Variants in MIPOL1 observed in about 807,000 individuals in gnomAD.
MIPOL1 encodes mirror-image polydactyly 1.
MIPOL1 carries 57 observed loss-of-function variants against 60.9 expected under a neutral mutation model. The observed-to-expected ratio is 0.94, with a 90% CI of 0.76 to 1.17. MIPOL1 has a LOEUF of 1.17. Ranked by LOEUF, MIPOL1 falls within the 50% of genes most tolerant of loss-of-function variation. The pLI, the probability that MIPOL1 is intolerant of heterozygous loss-of-function variation, is 0.00. For synonymous variants in MIPOL1, 179 were observed against 168.8 expected, an observed-to-expected ratio of 1.06 and a Z score of -0.47; for missense variants, 551 against 511.6, an observed-to-expected ratio of 1.08 and a Z score of -0.74.
intron 3 of MIPOL1, among the ~76,000 whole-genome samples, chr14:37,257,095 TTGTGTGTGTGTGTGTGTG>T: frequency 7.3e-6 from 1 of 137,792 alleles, no homozygotes; most frequent in South Asian, 2.5e-4. Context: ...TGGTTTTGTT[TTGTGTGTGTGTGTGTGTG>T]TGTGTGTGTG....
At chr14:37,457,694 T>C (rs2094492842) in intron 11 of MIPOL1, among the ~76,000 whole-genome samples, 1 of 152,234 alleles carries the variant, frequency 6.6e-6, no homozygotes, top group African/African-American at 2.4e-5. Context: ...CTTGTTTAAC[T>C]CTTACTCCTT....
intron 11 of MIPOL1, among the ~76,000 whole-genome samples, chr14:37,439,414 A>C (rs2094208637): frequency 6.6e-6 from 1 of 152,218 alleles, no homozygotes; most frequent in African/African-American, 2.4e-5. Context: ...TTTTATTGTT[A>C]ACATGTATTT....
chr14:37,351,192 AATG>A (rs1360136183), intron 9 of MIPOL1, among the ~76,000 whole-genome samples: 3 of 146,254 alleles, frequency 2.1e-5, no homozygotes, highest in Non-Finnish European at 4.5e-5. Flanking sequence ...GTTTACTGAG[AATG>A]ATGATTTCCA....
At chr14:37,329,341 A>G (rs2153452853) in intron 9 of MIPOL1, among the ~76,000 whole-genome samples, 1 of 152,310 alleles carries the variant, frequency 6.6e-6, no homozygotes, top group East Asian at 1.9e-4. Context: ...TAGTTGGTTA[A>G]TCAGTACACA....
At chr14:37,350,256 T>C (rs61990867) in intron 9 of MIPOL1, among the ~76,000 whole-genome samples, 33,315 of 152,048 alleles carry the variant, frequency 0.22, 4,121 homozygotes, top group South Asian at 0.36. Flanking sequence ...ATTTTTATTT[T>C]TGTGGAGGTG....
intron 2 of MIPOL1, 47 bp from the exon 3 acceptor site, chr14:37,247,782 T>C: frequency 9.2e-7 from 1 of 1,082,580 alleles, no homozygotes; most frequent in Non-Finnish European, 1.4e-6. Flanking sequence ...AGGTGTGTTC[T>C]GATATATTGT....
At chr14:37,479,267 A>G (rs1425455308) in intron 11 of MIPOL1, among the ~76,000 whole-genome samples, 1 of 152,168 alleles carries the variant, frequency 6.6e-6, no homozygotes, top group Non-Finnish European at 1.5e-5. Context: ...CACACATGGA[A>G]CATTCTCCAG....
chr14:37,298,493 C>A (rs550909541), intron 7 of MIPOL1, among the ~76,000 whole-genome samples: 1 of 152,246 alleles, frequency 6.6e-6, no homozygotes, highest in East Asian at 1.9e-4. Flanking sequence ...GCAAAAGAAA[C>A]CACCATCAGA....
intron 7 of MIPOL1, among the ~76,000 whole-genome samples, chr14:37,289,969 G>A (rs1330728520): frequency 1.3e-5 from 2 of 152,154 alleles, no homozygotes; most frequent in Admixed American, 6.6e-5. Flanking sequence ...GACCAAATAT[G>A]TATTTCACAA....
chr14:37,320,637 G>T (rs539547996), intron 9 of MIPOL1, among the ~76,000 whole-genome samples: 5 of 151,594 alleles, frequency 3.3e-5, no homozygotes, highest in Non-Finnish European at 7.4e-5. Flanking sequence ...TTCTCCTTAT[G>T]GTTAATGCAT....
At chr14:37,491,024 A>T (rs1594689298) in intron 11 of MIPOL1, among the ~76,000 whole-genome samples, 1 of 152,268 alleles carries the variant, frequency 6.6e-6, no homozygotes. Context: ...TGATGCCCAT[A>T]CAATTATATT....
chr14:37,363,117 T>G (rs564669583), intron 9 of MIPOL1, among the ~76,000 whole-genome samples: 8 of 152,282 alleles, frequency 5.3e-5, no homozygotes, highest in African/African-American at 1.7e-4. Context: ...TCTGTCAGTT[T>G]GTCAAAGTCA....
At chr14:37,210,120 A>G (rs1226779334) in intron 1 of MIPOL1, among the ~76,000 whole-genome samples, 1 of 151,984 alleles carries the variant, frequency 6.6e-6, no homozygotes, top group Non-Finnish European at 1.5e-5. Context: ...CTCACAGCAC[A>G]CTAATCAATG....
chr14:37,390,852 G>A (rs1190641879), intron 10 of MIPOL1, among the ~76,000 whole-genome samples: 1 of 151,926 alleles, frequency 6.6e-6, no homozygotes, highest in East Asian at 1.9e-4. Context: ...AACGTGACAA[G>A]CAGAAGTTGA....
chr14:37,386,974 A>G (rs936370818), intron 10 of MIPOL1, among the ~76,000 whole-genome samples: 2 of 151,928 alleles, frequency 1.3e-5, no homozygotes, highest in Non-Finnish European at 2.9e-5. Flanking sequence ...TAATATGGCT[A>G]TTATCTATTA....
At chr14:37,235,929 ATTT>A (rs199777000) in intron 1 of MIPOL1, among the ~76,000 whole-genome samples, 1 of 143,710 alleles carries the variant, frequency 7.0e-6, no homozygotes. Flanking sequence ...AGTATTTTCA[ATTT>A]TTTTTTTTTT....
intron 7 of MIPOL1, among the ~76,000 whole-genome samples, chr14:37,296,233 A>G (rs1416609195): frequency 1.3e-5 from 2 of 152,244 alleles, no homozygotes; most frequent in Admixed American, 1.3e-4. Flanking sequence ...GAAGGCAGAA[A>G]TAAAGATGTT....
chr14:37,325,910 T>C (rs1353541548), intron 9 of MIPOL1, among the ~76,000 whole-genome samples: 1 of 152,158 alleles, frequency 6.6e-6, no homozygotes. Context: ...TAATTTCAAC[T>C]TCCAGACAAG....
At chr14:37,395,914 T>C (rs2093363108) in intron 10 of MIPOL1, among the ~76,000 whole-genome samples, 1 of 152,164 alleles carries the variant, frequency 6.6e-6, no homozygotes, top group Non-Finnish European at 1.5e-5. Flanking sequence ...ATGTGTTAGA[T>C]GAGTCTCCTG....
Sources: allele counts gnomAD v4.1 joint callset (sites outside exome capture counted in the v4.1 genomes callset), GRCh38; gene constraint gnomAD v4.1.1; transcripts MANE v1.5; gene names NCBI Gene and HGNC (gene_info 2026-07-23, HGNC 2026-07-21).